Variants in MYH16 observed in about 807,000 individuals in gnomAD.
MYH16 encodes putative uncharacterized protein MYH16.
At chr7:99,240,658 C>A (rs1468707880) in intron 1 of MYH16, among the ~76,000 whole-genome samples, 1 of 152,010 alleles carries the variant, frequency 6.6e-6, no homozygotes, top group Non-Finnish European at 1.5e-5. Context: ...TGAGACCAGC[C>A]TGGGCAACAT....
At chr7:99,246,360 G>A (rs1791730186) in intron 2 of MYH16, among the ~76,000 whole-genome samples, 1 of 152,032 alleles carries the variant, frequency 6.6e-6, no homozygotes, top group Non-Finnish European at 1.5e-5. Flanking sequence ...ATTCTCAATA[G>A]ACTCTCAAGG....
At chr7:99,308,818 G>A (rs759882206), downstream of MYH16, among the ~76,000 whole-genome samples, 10 of 152,258 alleles carry the variant, frequency 6.6e-5, no homozygotes, top group African/African-American at 2.4e-4. Context: ...AGGGCTGGGC[G>A]CAGTGTCTCA....
At chr7:99,253,102 C>CAA (rs1791830253) in intron 7 of MYH16, 1 of 151,362 alleles carries the variant, frequency 6.6e-6, no homozygotes, top group Non-Finnish European at 1.5e-5. Context: ...CCCATCTCTA[C>CAA]AAAAAATGTG....
intron 13 of MYH16, among the ~76,000 whole-genome samples, chr7:99,263,082 C>T (rs780648657): frequency 2.0e-5 from 3 of 152,010 alleles, no homozygotes; most frequent in East Asian, 1.9e-4. Context: ...TCAGAGTTGG[C>T]GTATCCTAGA....
At chr7:99,295,836 GAAAAAAAA>G (rs869299904) in intron 33 of MYH16, among the ~76,000 whole-genome samples, 21 of 56,792 alleles carry the variant, frequency 3.7e-4, no homozygotes, top group Admixed American at 8.3e-4. Flanking sequence ...TCATCTCTTG[GAAAAAAAA>G]AAAAAAAAAA....
downstream of MYH16, among the ~76,000 whole-genome samples, chr7:99,307,738 T>C (rs570605274): frequency 1.3e-5 from 2 of 152,064 alleles, no homozygotes; most frequent in South Asian, 4.2e-4. Context: ...AATACTAGTT[T>C]TATTTATTTA....
intron 27 of MYH16, among the ~76,000 whole-genome samples, chr7:99,286,047 C>G (rs565773950): frequency 3.0e-4 from 46 of 152,368 alleles, no homozygotes; most frequent in Non-Finnish European, 6.0e-4. Context: ...GCATAGAATC[C>G]TGGCTTCTCA....
At chr7:99,260,185 T>C in exon 12 of MYH16, 2 of 1,609,760 alleles carry the variant, frequency 1.2e-6, no homozygotes, top group East Asian at 2.2e-5. Flanking sequence ...TGAGCAGCTA[T>C]GCATCAACTT....
intron 1 of MYH16, among the ~76,000 whole-genome samples, chr7:99,239,969 G>A (rs1321688012): frequency 6.6e-6 from 1 of 151,972 alleles, no homozygotes; most frequent in Admixed American, 6.6e-5. Flanking sequence ...GATTACTTGG[G>A]CTCAGGAGTT....
chr7:99,244,766 C>T (rs184948174), intron 2 of MYH16, among the ~76,000 whole-genome samples: 1 of 152,348 alleles, frequency 6.6e-6, no homozygotes, highest in Admixed American at 6.5e-5. Flanking sequence ...GCCACACCCA[C>T]CCCCGGCTGA....
At chr7:99,276,363 A>T (rs180990485) in intron 20 of MYH16, among the ~76,000 whole-genome samples, 2,461 of 152,330 alleles carry the variant, frequency 0.016, 71 homozygotes, top group African/African-American at 0.055. Context: ...TTGACTATGT[A>T]TCTATTGTAT....
intron 22 of MYH16, among the ~76,000 whole-genome samples, chr7:99,280,103 C>A (rs1477558212): frequency 6.6e-6 from 1 of 152,192 alleles, no homozygotes; most frequent in Non-Finnish European, 1.5e-5. Context: ...GAACGCCTCA[C>A]CTCAGGTGAT....
exon 36 of MYH16, chr7:99,297,946 GAC>G: frequency 2.2e-6 from 1 of 456,672 alleles, no homozygotes; most frequent in Non-Finnish European, 4.4e-6. Context: ...GGTTAAAGCT[GAC>G]ATCGACCGAA....
chr7:99,267,605 T>G (rs929382109), intron 18 of MYH16, among the ~76,000 whole-genome samples: 1 of 152,216 alleles, frequency 6.6e-6, no homozygotes, highest in Non-Finnish European at 1.5e-5. Context: ...GGAAGTTTGC[T>G]TGGGCAGAGC....
intron 8 of MYH16, among the ~76,000 whole-genome samples, chr7:99,254,439 T>G (rs946733970): frequency 3.9e-5 from 6 of 152,212 alleles, no homozygotes; most frequent in Non-Finnish European, 5.9e-5. Context: ...AAACCCTTTA[T>G]GTCTGCCACC....
At chr7:99,301,734 A>G (rs1450820943) in exon 38 of MYH16, 1 of 152,914 alleles carries the variant, frequency 6.5e-6, no homozygotes, top group African/African-American at 2.4e-5. Context: ...GAGGGCAGCG[A>G]GCGTTCACGC....
chr7:99,276,843 G>GAGAAA (rs1356179892), intron 20 of MYH16, among the ~76,000 whole-genome samples: 1 of 152,010 alleles, frequency 6.6e-6, no homozygotes, highest in Admixed American at 6.6e-5. Flanking sequence ...CAAAGAGAAA[G>GAGAAA]ACACAGAAAA....
At chr7:99,278,195 G>A (rs760833271) in intron 21 of MYH16, among the ~76,000 whole-genome samples, 7 of 151,900 alleles carry the variant, frequency 4.6e-5, no homozygotes, top group Non-Finnish European at 7.4e-5. Flanking sequence ...CTCCTATTTC[G>A]GCCTCCCAAA....
chr7:99,267,165 T>C (rs1791996031), intron 18 of MYH16, among the ~76,000 whole-genome samples: 1 of 152,198 alleles, frequency 6.6e-6, no homozygotes, highest in African/African-American at 2.4e-5. Context: ...TTGGGGAGAT[T>C]AGAGGCAACA....
Sources: allele counts gnomAD v4.1 joint callset (sites outside exome capture counted in the v4.1 genomes callset), GRCh38; gene constraint gnomAD v4.1.1; transcripts MANE v1.5; gene names NCBI Gene and HGNC (gene_info 2026-07-23, HGNC 2026-07-21).